The following PHF12 variants were observed in gnomAD, a reference collection of about 807,000 sequenced individuals.
The protein encoded by PHF12 is PHD finger protein 12, also known as PHD factor 1.
In PHF12, 6 loss-of-function variants were observed where a neutral mutation model predicts 99.8. That is an observed-to-expected ratio of 0.06 (90% confidence interval 0.03 to 0.12). The LOEUF (loss-of-function observed/expected upper bound fraction) is 0.12. PHF12 is among the 10% of genes least tolerant of loss of function. The pLI, the probability that PHF12 is intolerant of heterozygous loss-of-function variation, is 1.00. For missense variants in PHF12, 954 were observed against 1,300.1 expected (o/e 0.73, Z 4.09); for synonymous variants, 480 against 514.9 (o/e 0.93, Z 0.92).
chr17:28,940,034 CTG>C (rs2040585612), intron 2 of PHF12, among the ~76,000 whole-genome samples: 1 of 152,216 alleles, frequency 6.6e-6, no homozygotes, highest in African/African-American at 2.4e-5. Flanking sequence ...GTCTTTTGTC[CTG>C]TCAAGGCTGA....
In PHF12 at chr17:28,912,868, G is replaced by C. The variant is rs147070503; in HGVS notation, c.1703C>G (p.Ala568Gly). The stretch of plus-strand genomic sequence containing the variant: ...TGAGAGGCCTGGTAGTGGGGTGTTA[G>C]CGCCTGGAAGTCGCCGGGGGTCCGT... ...DSTDPRRLPG[A>G]NTPLPGLSHR... Residue 568 changes from alanine to glycine, a missense_variant, in exon 9 of 15, where the codon GCT (alanine) becomes GGT (glycine). Around this residue, in one of 8 missense-constraint regions of PHF12, gnomAD observed 392 missense variants for 423.1 expected, o/e 0.93. Coordinates refer to ENST00000332830, the MANE Select transcript of PHF12 (RefSeq NM_001033561.2). 2.5e-5 allele frequency: 41 copies of C among 1,611,694 alleles called. No homozygotes were observed. The African/African-American group carries it at 4.5e-4, about 18-fold the overall frequency.
At chr17:28,942,633 T>C (rs890435517) in intron 2 of PHF12, among the ~76,000 whole-genome samples, 2 of 151,766 alleles carry the variant, frequency 1.3e-5, no homozygotes, top group Non-Finnish European at 2.9e-5. Context: ...CTGACCAACA[T>C]GGTGAAACCC....
At chr17:28,947,128 C>G (rs540750385) in intron 2 of PHF12, among the ~76,000 whole-genome samples, 1 of 151,872 alleles carries the variant, frequency 6.6e-6, no homozygotes, top group Non-Finnish European at 1.5e-5. Context: ...GAACTACAGG[C>G]TCGTGCCACC....
intron 7 of PHF12, among the ~76,000 whole-genome samples, chr17:28,915,199 G>A (rs551445218): frequency 5.3e-5 from 8 of 152,258 alleles, no homozygotes; most frequent in African/African-American, 1.2e-4. Context: ...ATAAGGGAGG[G>A]GGAGAAGCAT....
At chr17:28,910,654 G>C in intron 10 of PHF12, 1 of 486,016 alleles carries the variant, frequency 2.1e-6, no homozygotes, top group Non-Finnish European at 3.7e-6. Flanking sequence ...TAAACCACTT[G>C]CCTGTCTGTG....
In PHF12 at chr17:28,910,344, C is replaced by A. The variant is rs765332944; in HGVS notation, c.2241G>T (p.Glu747Asp). 2 of 1,613,406 alleles carry A rather than the reference C, an allele frequency of 1.2e-6. No individual in the cohort carries two copies. The highest frequency in any genetic ancestry group is 4.5e-5 in the East Asian group (2 of 44,862). The change falls in exon 11 of 15, where the codon GAG becomes GAT. Residue 747 changes from glutamate (E) to aspartate (D), a missense_variant. By Grantham distance (45) the Glu-to-Asp change is conservative. Transcript: ENST00000332830. ...NGEIEINMLD[E>D]KLIKFLALQR... ...GCAAGGCCAGAAACTTGATCAGCTT[C>A]TCGTCCAGCATATTTATCTCGATTT...
rs760946619 is a variant in PHF12 at position 28,927,091 on chromosome 17, A to G, written c.249-28T>C. On this transcript the variant is annotated intron_variant, in intron 2 of 14. Coordinates refer to ENST00000332830, the MANE Select transcript of PHF12 (RefSeq NM_001033561.2). ...GTGGGGAACAGACAAGGGCAAGACT[A>G]AATAACTAGCCCTTTGAGGCAGTAG... 6 of 1,591,658 alleles carry G rather than the reference A, an allele frequency of 3.8e-6. No homozygotes were observed. The South Asian group carries it at 6.6e-5, about 18-fold the overall frequency.
At position 28,950,504 on chromosome 17, in the gene PHF12, G is replaced by A. The variant is rs769940062; in HGVS notation, c.67-258C>T. 6 of 560,548 alleles carry A rather than the reference G, an allele frequency of 1.1e-5. No homozygotes were observed. The highest frequency in any genetic ancestry group is 9.5e-5 in the African/African-American group (5 of 52,714). The allele number at this position is 560,548 out of a possible 1,614,324, so 34.7% of individuals were successfully genotyped here. On this transcript the variant is annotated intron_variant, in intron 1 of 14. Transcript: ENST00000332830. This position sits in a 1 kb window ranked among gnomAD's most constrained non-coding sequence, Gnocchi z 5.7. ...TAGGGGGATGGGAAGAGGGTGCGCGGTTCCCTTCTTGCCACTTCCTTGTAT... is the reference window on the plus strand; with the variant it reads ...TAGGGGGATGGGAAGAGGGTGCGCGATTCCCTTCTTGCCACTTCCTTGTAT...
intron 9 of PHF12, among the ~76,000 whole-genome samples, chr17:28,911,880 G>A (rs1001156190): frequency 1.3e-5 from 2 of 152,256 alleles, no homozygotes; most frequent in Non-Finnish European, 1.5e-5. Flanking sequence ...AGTAGGCCAA[G>A]TACAGACCTG....
Position 28,906,502 on chromosome 17 carries a change from T to C in PHF12, c.2696A>G (p.Gln899Arg). The change falls in exon 15 of 15, where the codon CAG becomes CGG. Residue 899 changes from glutamine to arginine, a missense_variant. This residue lies in a region of PHF12 where 136 missense variants were observed against 172.3 expected (regional missense o/e 0.79). Transcript: ENST00000332830. The surrounding 1 kb of genome is among the most constrained non-coding windows in gnomAD (Gnocchi z 4.2). Reference sequence around the variant, plus strand: ...CTCACTTGGCTCTTCGTCCTGTTTCTGGTGCCGGCGGCGCCCTGGGAAAAA... The same window carrying C: ...CTCACTTGGCTCTTCGTCCTGTTTCCGGTGCCGGCGGCGCCCTGGGAAAAA... ...VQSVIRRRRH[Q>R]KQDEEPSEEA... The C allele has an allele frequency of 6.2e-7, 1 of 1,602,482 alleles. No individual in the cohort carries two copies. The highest frequency in any genetic ancestry group is 8.5e-7 in the Non-Finnish European group (1 of 1,171,106).
Position 28,950,691 on chromosome 17 carries a change from G to A in PHF12, c.66+204C>T. On this transcript the variant is annotated intron_variant, in intron 1 of 14. Coordinates refer to ENST00000332830, the MANE Select transcript of PHF12 (RefSeq NM_001033561.2). This position sits in a 1 kb window ranked among gnomAD's most constrained non-coding sequence, Gnocchi z 5.7. ...GCCTCGGGAGAGCGAATCGAGGGCG[G>A]CGGGTAGGTGAAACTGCTGCAAACG... The A allele has an allele frequency of 2.9e-6, 2 of 679,718 alleles. No homozygotes were observed. The highest frequency in any genetic ancestry group is 3.6e-5 in the Admixed American group (1 of 28,024). 42.1% of individuals were successfully genotyped at this position (679,718 alleles called of 1,614,324 possible).
rs140797913 is a variant in PHF12, at chr17:28,907,489, C to T, written c.2541+101G>A. ...GGAGGGAAGAAAAAGAGAGGACCCC[C>T]AATCCCTCTTCCCTCCCCTCAGGGC... is the stretch of plus-strand genomic sequence containing the variant. On this transcript the variant is annotated intron_variant, in intron 13 of 14. Transcript: ENST00000332830. 1.0e-3 allele frequency: 1,185 copies of T among 1,172,676 alleles called. 12 individuals are homozygous for T. The African/African-American group carries it at 0.016, about 16-fold the overall frequency. The allele number at this position is 1,172,676 out of a possible 1,614,324, so 72.6% of individuals were successfully genotyped here.
chr17:28,909,049 C>G, intron 11 of PHF12, 168 bp from the exon 12 acceptor site: 1 of 634,028 alleles, frequency 1.6e-6, no homozygotes, highest in African/African-American at 1.8e-5. Flanking sequence ...GTAAGGCTTT[C>G]TCTCCCCACC....
intron 2 of PHF12, among the ~76,000 whole-genome samples, chr17:28,945,726 G>C (rs934067018): frequency 6.6e-6 from 1 of 152,170 alleles, no homozygotes; most frequent in Non-Finnish European, 1.5e-5. Flanking sequence ...AGCTGTACTG[G>C]TTATTCTAAT....
chr17:28,950,456 TTCCAAA>T lies in PHF12; in HGVS notation c.67-216_67-211del, dbSNP rs2040789614. ...GCAGCACAACAACGAGAACAGCTTC[TTCCAAA>T]TGGGGAGGATCAAGGGTAGGGGGAT... is the stretch of plus-strand genomic sequence containing the variant. On this transcript the variant is annotated intron_variant, in intron 1 of 14. Coordinates refer to ENST00000332830, the MANE Select transcript of PHF12 (RefSeq NM_001033561.2). This position sits in a 1 kb window ranked among gnomAD's most constrained non-coding sequence, Gnocchi z 5.7. 2.0e-5 allele frequency: 12 copies of T among 600,930 alleles called. No individual in the cohort carries two copies. In the East Asian group the frequency reaches 3.4e-4, roughly 17 times the overall value. 37.2% of individuals were successfully genotyped at this position (600,930 alleles called of 1,614,324 possible). A position where few individuals can be genotyped will look rare whatever the true frequency, so the allele number is the denominator to read the frequency against.
At chr17:28,932,288 C>G (rs9889772) in intron 2 of PHF12, among the ~76,000 whole-genome samples, 1 of 152,088 alleles carries the variant, frequency 6.6e-6, no homozygotes, top group Admixed American at 6.6e-5. Flanking sequence ...CATACCACTA[C>G]GCTGGGCTAA....
In PHF12 at chr17:28,912,938, C is replaced by T. The variant is rs1347764640; in HGVS notation, c.1633G>A (p.Val545Met). The T allele has an allele frequency of 3.7e-6, 6 of 1,614,242 alleles. 1 individual carries two copies. The South Asian group carries it at 6.6e-5, about 18-fold the overall frequency. ...GTANGPVNTE[V>M]KANGPHLYSS... ...TAGAGGTGTGGGCCATTAGCTTTCACCTCTGTGTTCACTGGCCCATTGGCA... is the reference window on the plus strand; with the variant it reads ...TAGAGGTGTGGGCCATTAGCTTTCATCTCTGTGTTCACTGGCCCATTGGCA... Residue 545 changes from valine (V) to methionine (M), a missense_variant, in exon 9 of 15, where the codon GTG becomes ATG. Val to Met is a conservative substitution (Grantham distance 21, BLOSUM62 1). This residue lies in a region of PHF12 where 392 missense variants were observed against 423.1 expected (regional missense o/e 0.93). Coordinates refer to ENST00000332830, the MANE Select transcript of PHF12 (RefSeq NM_001033561.2).
Position 28,906,718 on chromosome 17 carries a change from T to C in PHF12, c.2680+138A>G. 7.3e-7 allele frequency: 1 copy of C among 1,363,346 alleles called. No homozygotes were observed. Among genetic ancestry groups the C allele is most frequent in the Non-Finnish European group, 9.9e-7 (1 of 1,007,192 alleles). The allele number at this position is 1,363,346 out of a possible 1,614,324, so 84.5% of individuals were successfully genotyped here. On this transcript the variant is annotated intron_variant, in intron 14 of 14. Transcript: ENST00000332830. The surrounding 1 kb of genome is among the most constrained non-coding windows in gnomAD (Gnocchi z 4.2). ...GGGGTACTCAGCACTTGCTTCTCTG[T>C]GGCCTGCCCTGGGCCCACGAGGAAG...
In PHF12 at chr17:28,923,938, T is replaced by C. The variant is rs144952764; in HGVS notation, c.686A>G (p.Asn229Ser). The C allele has an allele frequency of 6.8e-6, 11 of 1,612,800 alleles. No homozygotes were observed. Among genetic ancestry groups the C allele is most frequent in the African/African-American group, 2.7e-5 (2 of 74,960 alleles). ...ERNPTQFQLP[N>S]ELTCTTALPG... ...TAGTGCAGTGGTACAAGTCAGTTCA[T>C]TGGGCAACTGAAATTGGGTGGGGTT... Residue 229 changes from asparagine to serine, a missense_variant, in exon 4 of 15, where the codon AAT (asparagine) becomes AGT (serine). Physicochemically the swap from Asn to Ser is conservative, Grantham distance 46. Transcript: ENST00000332830.
Sources: gnomAD v4.1 joint callset for allele counts (sites outside exome capture counted in the v4.1 genomes callset) on GRCh38, gnomAD v4.1.1 for gene constraint, gnomAD v4.1.1 regional missense constraint, Gnocchi (gnomAD v3.1) non-coding constraint, MANE v1.5 for transcripts, NCBI Gene and HGNC (gene_info 2026-07-23, HGNC 2026-07-21) for gene names.